HAUS6: variants seen among roughly 807,000 people sequenced by gnomAD.
HAUS6 encodes the protein HAUS augmin like complex subunit 6.
A neutral mutation model predicts 106.8 loss-of-function variants in HAUS6; 80 were observed. The ratio of observed to expected loss-of-function variants is 0.75; its 90% CI spans 0.63 to 0.90. The LOEUF (loss-of-function observed/expected upper bound fraction) is 0.90. Ranked by LOEUF, HAUS6 falls within the 40% of genes least tolerant of loss-of-function variation. HAUS6 has a pLI of 0.00. For missense variants in HAUS6, 1,155 were observed against 1,118.1 expected (o/e 1.03, Z -0.47); for synonymous variants, 356 against 379.1 (o/e 0.94, Z 0.71).
rs778688942 is a variant in HAUS6, at chr9:19,087,140, C to A, written c.601G>T (p.Val201Leu). 6 of 1,520,772 alleles carry A rather than the reference C, an allele frequency of 3.9e-6. No homozygotes were observed. In the East Asian group the frequency reaches 9.0e-5, roughly 23 times the overall value. The allele number at this position is 1,520,772 out of a possible 1,614,324, so 94.2% of individuals were successfully genotyped here. The part of the protein sequence containing the change: ...QENAQLSVKQ[V>L]RNLRSECIGL... ...ATACATTCAGATCTCAAGTTTCGTA[C>A]CTGCTTAACTGATAATCTGCAAGAA... Residue 201 changes from valine to leucine, a missense_variant, in exon 6 of 17, where the codon GTA becomes TTA. By Grantham distance (32) the Val-to-Leu change is conservative (BLOSUM62 1). Coordinates refer to ENST00000380502, the MANE Select transcript of HAUS6 (RefSeq NM_017645.5).
chr9:19,083,518 A>G (rs2131136983), intron 7 of HAUS6, among the ~76,000 whole-genome samples: 1 of 152,230 alleles, frequency 6.6e-6, no homozygotes, highest in South Asian at 2.1e-4. Context: ...ATTTTTCAAG[A>G]GAAGCCGGGC....
intron 5 of HAUS6, 145 bp downstream of exon 5, chr9:19,089,267 A>C (rs900796539): frequency 6.6e-6 from 4 of 605,406 alleles, no homozygotes; most frequent in Non-Finnish European, 1.1e-5. Context: ...GGAAAAAAAA[A>C]AAGAAGAAGA....
At chr9:19,098,789 G>A (rs1817919359) in intron 1 of HAUS6, among the ~76,000 whole-genome samples, 2 of 152,080 alleles carry the variant, frequency 1.3e-5, no homozygotes, top group Admixed American at 6.6e-5. Context: ...CTGGGAGGCC[G>A]AGGCAGGTGG....
intron 4 of HAUS6, among the ~76,000 whole-genome samples, chr9:19,090,584 T>C (rs763850830): frequency 8.5e-5 from 13 of 152,142 alleles, no homozygotes; most frequent in Admixed American, 1.3e-4. Flanking sequence ...AGGATGATCT[T>C]GATCTCCTGG....
chr9:19,080,755 C>T (rs1372997510), intron 8 of HAUS6, 83 bp from the exon 9 acceptor site: 1 of 782,246 alleles, frequency 1.3e-6, no homozygotes, highest in South Asian at 1.8e-5. Flanking sequence ...ATGTTTTTTA[C>T]TATTAAAGTT....
chr9:19,056,581 C>A, intron 16 of HAUS6, 177 bp from the exon 17 acceptor site: 1 of 537,164 alleles, frequency 1.9e-6, no homozygotes, highest in Non-Finnish European at 3.3e-6. Flanking sequence ...GAGATCAATA[C>A]ATTCCTCCCA....
chr9:19,090,885 T>C (rs919997635), intron 4 of HAUS6, among the ~76,000 whole-genome samples: 2 of 152,220 alleles, frequency 1.3e-5, no homozygotes, highest in African/African-American at 4.8e-5. Context: ...TTCAGGTTTT[T>C]ACCTGTAATA....
chr9:19,075,897 T>G (rs1205258279), intron 11 of HAUS6, among the ~76,000 whole-genome samples: 1 of 150,920 alleles, frequency 6.6e-6, no homozygotes. Flanking sequence ...AGGTAGAGGT[T>G]GCAGTGAGCT....
chr9:19,059,245 C>T (rs1306252845), intron 15 of HAUS6, among the ~76,000 whole-genome samples: 1 of 152,210 alleles, frequency 6.6e-6, no homozygotes, highest in Non-Finnish European at 1.5e-5. Flanking sequence ...TCCAATTTTA[C>T]ACAGCACATA....
chr9:19,080,131 G>A (rs1166175062), intron 9 of HAUS6, among the ~76,000 whole-genome samples: 6 of 120,714 alleles, frequency 5.0e-5, no homozygotes, highest in East Asian at 2.5e-4. Flanking sequence ...CCAAGATCGC[G>A]CCATTGCACT....
intron 3 of HAUS6, among the ~76,000 whole-genome samples, chr9:19,093,788 G>A (rs1817804864): frequency 6.6e-6 from 1 of 152,106 alleles, no homozygotes; most frequent in South Asian, 2.1e-4. Context: ...AGAATCATTC[G>A]AACCTGGGAG....
At chr9:19,077,570 C>T (rs1837038142) in intron 10 of HAUS6, among the ~76,000 whole-genome samples, 1 of 152,032 alleles carries the variant, frequency 6.6e-6, no homozygotes, top group African/African-American at 2.4e-5. Context: ...CTTTTTCATA[C>T]AATCCTTCGA....
chr9:19,075,176 C>G (rs1256112783), intron 11 of HAUS6, among the ~76,000 whole-genome samples: 1 of 152,088 alleles, frequency 6.6e-6, no homozygotes, highest in Non-Finnish European at 1.5e-5. Context: ...ATATGAAAAT[C>G]CAGAACAGGG....
chr9:19,078,759 T>C (rs976767110), intron 9 of HAUS6, among the ~76,000 whole-genome samples: 6 of 149,346 alleles, frequency 4.0e-5, no homozygotes, highest in Admixed American at 1.3e-4. Flanking sequence ...TTGCACTCCA[T>C]GCACTCCAGC....
At chr9:19,059,961 T>G (rs1015671877) in intron 15 of HAUS6, 127 bp downstream of exon 15, 12 of 642,434 alleles carry the variant, frequency 1.9e-5, no homozygotes, top group Non-Finnish European at 2.4e-5. Flanking sequence ...CCACACTTAG[T>G]ACGTCGATTA....
intron 1 of HAUS6, 38 bp from the exon 2 acceptor site, chr9:19,096,807 A>G: frequency 1.1e-6 from 1 of 947,954 alleles, no homozygotes; most frequent in Non-Finnish European, 1.6e-6. Flanking sequence ...GAAAAAGAAA[A>G]AGGTTAATAA....
At chr9:19,068,181 C>A (rs1836805848) in intron 12 of HAUS6, among the ~76,000 whole-genome samples, 1 of 152,102 alleles carries the variant, frequency 6.6e-6, no homozygotes, top group Non-Finnish European at 1.5e-5. Context: ...CATACCCTCC[C>A]CTAGCCTGCC....
chr9:19,093,793 T>A (rs538276912), intron 3 of HAUS6, among the ~76,000 whole-genome samples: 26 of 152,222 alleles, frequency 1.7e-4, no homozygotes, highest in African/African-American at 5.5e-4. Context: ...CATTCGAACC[T>A]GGGAGACAGA....
intron 1 of HAUS6, among the ~76,000 whole-genome samples, chr9:19,097,091 C>G (rs1450176716): frequency 3.3e-5 from 5 of 152,100 alleles, no homozygotes; most frequent in African/African-American, 1.2e-4. Context: ...TACTGAATAA[C>G]AATAAATAGC....
Sources: gnomAD v4.1 joint callset for allele counts (sites outside exome capture counted in the v4.1 genomes callset) on GRCh38, gnomAD v4.1.1 for gene constraint, MANE v1.5 for transcripts, NCBI Gene and HGNC (gene_info 2026-07-23, HGNC 2026-07-21) for gene names.